Variants in TUBB4B observed in about 807,000 individuals in gnomAD.
TUBB4B encodes the protein tubulin beta-4B chain.
In TUBB4B, 7 loss-of-function variants were observed where a neutral mutation model predicts 34.3. The ratio of observed to expected loss-of-function variants is 0.20; its 90% CI spans 0.12 to 0.38. TUBB4B has a LOEUF of 0.38. Among genes scored for constraint, TUBB4B ranks in the 10% least tolerant of loss-of-function variants. TUBB4B has a pLI of 1.00. For missense variants in TUBB4B, 178 were observed against 610.9 expected (o/e 0.29, Z 7.47); for synonymous variants, 390 against 250.2 (o/e 1.56, Z -5.27).
chr9:137,242,406 T>TCA, intron 3 of TUBB4B, 90 bp from the exon 4 acceptor site: 3 of 1,476,908 alleles, frequency 2.0e-6, no homozygotes, highest in Non-Finnish European at 2.8e-6. Context: ...TGTGGTCAGC[T>TCA]CACACCATGT....
intron 3 of TUBB4B, chr9:137,242,291 G>A (rs1194584040): frequency 4.3e-6 from 3 of 702,982 alleles, no homozygotes; most frequent in Non-Finnish European, 7.0e-6. Flanking sequence ...CCCGGGGAGG[G>A]GTTTGTTAAG....
At chr9:137,241,487 C>CG (rs1836739793) in intron 1 of TUBB4B, 70 bp downstream of exon 1, 3 of 1,207,304 alleles carry the variant, frequency 2.5e-6, no homozygotes, top group Admixed American at 4.4e-5. Context: ...GGGAAGATGG[C>CG]GGCAGCAGCG....
Position 137,241,340 on chromosome 9 carries a change from C to G in TUBB4B, c.-21C>G. 1.3e-6 allele frequency: 2 copies of G among 1,590,790 alleles called. No homozygotes were observed. The highest frequency in any genetic ancestry group is 1.4e-5 in the African/African-American group (1 of 73,740). ...CTGTTTGTCTACTTCCTCCTGCTTC[C>G]CCGCCGCCGCCGCCGCCATCATGAG... is the stretch of plus-strand genomic sequence containing the variant. On this transcript the variant is annotated 5_prime_UTR_variant, in exon 1 of 4. Coordinates refer to ENST00000340384, the MANE Select transcript of TUBB4B (RefSeq NM_006088.6).
At position 137,241,825 on chromosome 9, in the gene TUBB4B, C is replaced by T. The variant is rs371074052; in HGVS notation, c.162C>T (p.Ala54=). 151 of 1,612,348 alleles carry T rather than the reference C, an allele frequency of 9.4e-5. 3 individuals carry two copies. The South Asian group carries it at 1.5e-3, about 16-fold the overall frequency. Residue 54 remains alanine (A), a synonymous_variant, in exon 2 of 4, where the codon GCC becomes GCT. Coordinates refer to ENST00000340384, the MANE Select transcript of TUBB4B (RefSeq NM_006088.6). The part of the protein sequence containing the change: ...LERINVYYNE[A]TGGKYVPRAV... ...GCATCAACGTGTACTACAATGAGGCCACCGGTGAGGCCCCGGCCCCTTCCC... is the reference window on the plus strand; with the variant it reads ...GCATCAACGTGTACTACAATGAGGCTACCGGTGAGGCCCCGGCCCCTTCCC...
At position 137,241,326 on chromosome 9, in the gene TUBB4B, C is replaced by A. The variant is rs372315322; in HGVS notation, c.-35C>A. Reference sequence around the variant, plus strand: ...CCGCTCTTCTGCTGCTGTTTGTCTACTTCCTCCTGCTTCCCCGCCGCCGCC... The same window carrying A: ...CCGCTCTTCTGCTGCTGTTTGTCTAATTCCTCCTGCTTCCCCGCCGCCGCC... On this transcript the variant is annotated 5_prime_UTR_variant, in exon 1 of 4. Transcript: ENST00000340384. The A allele has an allele frequency of 1.1e-5, 17 of 1,589,036 alleles. No homozygotes were observed. Among genetic ancestry groups the A allele is most frequent in the Admixed American group, 1.7e-5 (1 of 59,210 alleles).
Position 137,241,709 on chromosome 9 carries a change from C to G in TUBB4B, c.58-12C>G, listed in dbSNP as rs764416186. The G allele has an allele frequency of 1.1e-5, 17 of 1,607,048 alleles. No homozygotes were observed. Among genetic ancestry groups the G allele is most frequent in the South Asian group, 7.7e-5 (7 of 90,800 alleles). On this transcript the variant is annotated splice_polypyrimidine_tract_variant and intron_variant, in intron 1 of 3. Coordinates refer to ENST00000340384, the MANE Select transcript of TUBB4B (RefSeq NM_006088.6). Reference sequence around the variant, plus strand: ...GCCCCGGCCCGCCCGGGCCCGCCCGCGTCCCTTGTAGTTTTGGGAGGTGAT... The same window carrying G: ...GCCCCGGCCCGCCCGGGCCCGCCCGGGTCCCTTGTAGTTTTGGGAGGTGAT...
Position 137,241,425 on chromosome 9 carries a change from G to T in TUBB4B, c.57+8G>T. On this transcript the variant is annotated splice_region_variant and intron_variant, in intron 1 of 3. Coordinates refer to ENST00000340384, the MANE Select transcript of TUBB4B (RefSeq NM_006088.6). The stretch of plus-strand genomic sequence containing the variant: ...AACCAAATCGGCGCCAAGGTAAGTT[G>T]CCGGGGCGCTGGGGCCAGGCGGGCC... The T allele has an allele frequency of 6.3e-7, 1 of 1,584,122 alleles. No homozygotes were observed. The highest frequency in any genetic ancestry group is 8.6e-7 in the Non-Finnish European group (1 of 1,168,096).
chr9:137,241,999 C>T lies in TUBB4B; in HGVS notation c.255C>T (p.Phe85=), dbSNP rs752024980. The T allele has an allele frequency of 2.5e-6, 4 of 1,610,618 alleles. No homozygotes were observed. The highest frequency in any genetic ancestry group is 2.7e-5 in the African/African-American group (2 of 74,876). The change falls in exon 3 of 4, where the codon TTC becomes TTT. Residue 85 remains phenylalanine, a synonymous_variant. Coordinates refer to ENST00000340384, the MANE Select transcript of TUBB4B (RefSeq NM_006088.6). ...GCTCGGGGCCCTTCGGGCAGATCTT[C>T]CGGCCGGACAACTTCGTTTTCGGTG... ...SVRSGPFGQI[F]RPDNFVFGQS...
Position 137,243,617 on chromosome 9 carries a change from G to C in TUBB4B, c.*61G>C. On this transcript the variant is annotated 3_prime_UTR_variant, in exon 4 of 4. Coordinates refer to ENST00000340384, the MANE Select transcript of TUBB4B (RefSeq NM_006088.6). Reference sequence around the variant, plus strand: ...TGAACTCTTTATTCACTCCCAGCCTGTCCTGTGGCCTGTCCCACTGTGTGC... The same window carrying C: ...TGAACTCTTTATTCACTCCCAGCCTCTCCTGTGGCCTGTCCCACTGTGTGC... 1.2e-6 allele frequency: 2 copies of C among 1,612,712 alleles called. No individual in the cohort carries two copies. Among genetic ancestry groups the C allele is most frequent in the East Asian group, 2.2e-5 (1 of 44,888 alleles).
intron 3 of TUBB4B, chr9:137,242,251 C>T (rs888325296): frequency 2.9e-5 from 19 of 661,156 alleles, no homozygotes; most frequent in Non-Finnish European, 3.8e-5. Context: ...AGTGGCTGTT[C>T]CTCTGTCCTT....
chr9:137,241,299 G>T lies in TUBB4B; in HGVS notation c.-62G>T, dbSNP rs185668265. On this transcript the variant is annotated 5_prime_UTR_variant, in exon 1 of 4. Transcript: ENST00000340384. Reference sequence around the variant, plus strand: ...GAGCGTCGGTTGTAGCACTCTGCGCGCCCGCTCTTCTGCTGCTGTTTGTCT... The same window carrying T: ...GAGCGTCGGTTGTAGCACTCTGCGCTCCCGCTCTTCTGCTGCTGTTTGTCT... The T allele has an allele frequency of 5.8e-3, 9,030 of 1,557,010 alleles. 249 individuals carry two copies. The highest frequency in any genetic ancestry group is 3.2e-3 in the Non-Finnish European group (3,706 of 1,156,536).
At position 137,242,770 on chromosome 9, in the gene TUBB4B, C is replaced by T. The variant is rs11545603; in HGVS notation, c.552C>T (p.Asn184=). 63 of 1,613,738 alleles carry T rather than the reference C, an allele frequency of 3.9e-5. No homozygotes were observed. The highest frequency in any genetic ancestry group is 3.3e-4 in the Middle Eastern group (2 of 6,084). The change falls in exon 4 of 4, where the codon AAC becomes AAT. Residue 184 remains asparagine (N), a synonymous_variant. Transcript: ENST00000340384. ...CAGACACAGTGGTGGAGCCCTACAA[C>T]GCCACCCTCTCAGTCCACCAGCTCG... ...KVSDTVVEPY[N]ATLSVHQLVE...
At chr9:137,242,276 G>GC (rs960428054) in intron 3 of TUBB4B, 61 of 673,150 alleles carry the variant, frequency 9.1e-5, no homozygotes, top group East Asian at 6.0e-4. Flanking sequence ...ATTGGCAGTG[G>GC]CCCCCCCGGG....
chr9:137,241,501 G>A, intron 1 of TUBB4B, 84 bp downstream of exon 1: 1 of 1,154,372 alleles, frequency 8.7e-7, no homozygotes, highest in Non-Finnish European at 1.1e-6. Flanking sequence ...AGCAGCGGCC[G>A]GGCGGCGCCC....
rs1226986227 is a variant in TUBB4B, at chr9:137,243,496, G to A, written c.1278G>A (p.Gln426=). ...TGGTGTCCGAGTACCAGCAGTACCA[G>A]GATGCCACAGCCGAGGAGGAGGGCG... ...NDLVSEYQQY[Q]DATAEEEGEF... The change falls in exon 4 of 4, where the codon CAG becomes CAA. Residue 426 remains glutamine (Q), a synonymous_variant. Coordinates refer to ENST00000340384, the MANE Select transcript of TUBB4B (RefSeq NM_006088.6). The A allele has an allele frequency of 6.2e-7, 1 of 1,613,918 alleles. No homozygotes were observed. The highest frequency in any genetic ancestry group is 2.2e-5 in the East Asian group (1 of 44,888).
In TUBB4B at chr9:137,243,223, C is replaced by T. The variant is rs1836794035; in HGVS notation, c.1005C>T (p.Asn335=). The T allele has an allele frequency of 1.2e-6, 2 of 1,613,224 alleles. No homozygotes were observed. Among genetic ancestry groups the T allele is most frequent in the South Asian group, 1.1e-5 (1 of 91,092 alleles). ...ATGAGCAAATGCTTAATGTCCAAAA[C>T]AAAAACAGCAGCTATTTTGTTGAGT... The part of the protein sequence containing the change: ...EVDEQMLNVQ[N]KNSSYFVEWI... Residue 335 remains asparagine, a synonymous_variant, in exon 4 of 4, where the codon AAC becomes AAT. Coordinates refer to ENST00000340384, the MANE Select transcript of TUBB4B (RefSeq NM_006088.6).
chr9:137,241,843 C>T lies in TUBB4B; in HGVS notation c.166+14C>T, dbSNP rs1269572078. 3 of 1,612,018 alleles carry T rather than the reference C, an allele frequency of 1.9e-6. No individual in the cohort carries two copies. Among genetic ancestry groups the T allele is most frequent in the African/African-American group, 2.7e-5 (2 of 74,922 alleles). ...ATGAGGCCACCGGTGAGGCCCCGGC[C>T]CCTTCCCCGACCGCCCTCCGGGGAC... On this transcript the variant is annotated intron_variant, in intron 2 of 3. Transcript: ENST00000340384.
At chr9:137,241,547 T>C in intron 1 of TUBB4B, 130 bp downstream of exon 1, 1 of 935,184 alleles carries the variant, frequency 1.1e-6, no homozygotes, top group Non-Finnish European at 1.3e-6. Context: ...CCGCGGGGAA[T>C]TGGCCGAGCC....
intron 3 of TUBB4B, 90 bp from the exon 4 acceptor site, chr9:137,242,406 T>C: frequency 6.8e-7 from 1 of 1,476,908 alleles, no homozygotes; most frequent in East Asian, 2.3e-5. Context: ...TGTGGTCAGC[T>C]CACACCATGT....
Sources: gnomAD v4.1 joint callset for allele counts on GRCh38, gnomAD v4.1.1 for gene constraint, MANE v1.5 for transcripts, NCBI Gene and HGNC (gene_info 2026-07-23, HGNC 2026-07-21) for gene names.